ARNT2: variants seen among roughly 807,000 people sequenced by gnomAD.
ARNT2 encodes the protein ARNT protein 2.
Under a neutral mutation model 91.7 loss-of-function variants are expected in ARNT2, and 36 were observed. The ratio of observed to expected loss-of-function variants is 0.39; its 90% CI spans 0.30 to 0.52. ARNT2 has a LOEUF of 0.52. Among genes scored for constraint, ARNT2 ranks in the 20% least tolerant of loss-of-function variants. The pLI, the probability that ARNT2 is intolerant of heterozygous loss-of-function variation, is 0.72. For missense variants in ARNT2, 775 were observed against 939.3 expected (o/e 0.83, Z 2.29); for synonymous variants, 365 against 347.1 (o/e 1.05, Z -0.57).
At chr15:80,560,283 A>G (rs922257546) in intron 11 of ARNT2, 5 of 152,318 alleles carry the variant, frequency 3.3e-5, no homozygotes, top group African/African-American at 1.2e-4. Flanking sequence ...GTAGGGATTT[A>G]TGCAAAGGGC....
intron 8 of ARNT2, among the ~76,000 whole-genome samples, chr15:80,539,415 A>G (rs1479647518): frequency 6.6e-6 from 1 of 152,152 alleles, no homozygotes; most frequent in Non-Finnish European, 1.5e-5. Flanking sequence ...ATGGAGAAAT[A>G]TCTTTGTAAA....
intron 12 of ARNT2, among the ~76,000 whole-genome samples, chr15:80,572,134 A>AT (rs1470175836): frequency 2.0e-5 from 3 of 151,790 alleles, no homozygotes; most frequent in Admixed American, 2.0e-4. Context: ...AAAAAAAAAA[A>AT]CAAACCTATT....
chr15:80,477,229 G>C (rs1896820735), intron 5 of ARNT2, among the ~76,000 whole-genome samples: 1 of 152,202 alleles, frequency 6.6e-6, no homozygotes, highest in Admixed American at 6.5e-5. Context: ...TCAGGTATTT[G>C]TTTATACAAT....
At chr15:80,424,777 CA>C (rs11403327) in intron 1 of ARNT2, among the ~76,000 whole-genome samples, 92 of 147,104 alleles carry the variant, frequency 6.3e-4, no homozygotes, top group Middle Eastern at 3.5e-3. Context: ...AAACAGCCCT[CA>C]AAAAAAAAAA....
At chr15:80,470,626 C>G (rs1244943277) in intron 4 of ARNT2, among the ~76,000 whole-genome samples, 195 bp downstream of exon 4, 1 of 152,200 alleles carries the variant, frequency 6.6e-6, no homozygotes, top group Non-Finnish European at 1.5e-5. Flanking sequence ...TTTTATGTTT[C>G]CCATAACCTT....
At chr15:80,564,465 C>T (rs1353750282) in intron 12 of ARNT2, among the ~76,000 whole-genome samples, 3 of 152,072 alleles carry the variant, frequency 2.0e-5, no homozygotes, top group Non-Finnish European at 4.4e-5. Flanking sequence ...GCTCCTGGGC[C>T]AGAAGTCACA....
chr15:80,577,021 C>T (rs1898689139), intron 15 of ARNT2, 56 bp downstream of exon 15: 3 of 1,549,044 alleles, frequency 1.9e-6, no homozygotes, highest in South Asian at 1.1e-5. Flanking sequence ...ACCAAGAAAG[C>T]CCTGGGTCTC....
chr15:80,456,362 C>G (rs1896481745), intron 2 of ARNT2, among the ~76,000 whole-genome samples: 1 of 151,818 alleles, frequency 6.6e-6, no homozygotes, highest in Admixed American at 6.6e-5. Flanking sequence ...GTCATCTTTT[C>G]CAGTTATGTA....
chr15:80,475,431 G>A (rs1026881403), intron 5 of ARNT2: 4 of 460,448 alleles, frequency 8.7e-6, no homozygotes, highest in African/African-American at 8.0e-5. Context: ...GTGGTGGTGG[G>A]CGCCTGTGGT....
At chr15:80,427,684 G>A (rs1258140584) in intron 1 of ARNT2, among the ~76,000 whole-genome samples, 1 of 152,198 alleles carries the variant, frequency 6.6e-6, no homozygotes, top group Non-Finnish European at 1.5e-5. Context: ...TTTTAACCCT[G>A]TAGTCACAGC....
intron 8 of ARNT2, among the ~76,000 whole-genome samples, chr15:80,523,853 A>G (rs1211993769): frequency 6.6e-6 from 1 of 152,198 alleles, no homozygotes; most frequent in East Asian, 1.9e-4. Context: ...GTAACAGAGC[A>G]GTGGGACTAT....
rs1342642044 is a variant in ARNT2 at position 80,404,456 on chromosome 15, G to C, written c.-60G>C. 4 of 1,146,426 alleles carry C rather than the reference G, an allele frequency of 3.5e-6. No homozygotes were observed. Among genetic ancestry groups the C allele is most frequent in the African/African-American group, 1.7e-5 (1 of 59,826 alleles). The allele number at this position is 1,146,426 out of a possible 1,614,324, so 71.0% of individuals were successfully genotyped here. ...GACCGGGTCCCCGGGGCTGAGCGCC[G>C]GGCTCCGCGCCGCCCCTCCCGCGCC... is the stretch of plus-strand genomic sequence containing the variant. On this transcript the variant is annotated 5_prime_UTR_variant, in exon 1 of 19. Coordinates refer to ENST00000303329, the MANE Select transcript of ARNT2 (RefSeq NM_014862.4). This position sits in a 1 kb window ranked among gnomAD's most constrained non-coding sequence, Gnocchi z 5.5.
chr15:80,493,115 G>A (rs989645412), intron 5 of ARNT2, among the ~76,000 whole-genome samples: 1 of 152,206 alleles, frequency 6.6e-6, no homozygotes, highest in Non-Finnish European at 1.5e-5. Flanking sequence ...AAAAGACTGA[G>A]AGAGCAAAAG....
intron 8 of ARNT2, among the ~76,000 whole-genome samples, chr15:80,545,823 T>C (rs563303311): frequency 2.0e-5 from 3 of 152,164 alleles, no homozygotes; most frequent in African/African-American, 4.8e-5. Flanking sequence ...GGAATATCTG[T>C]TAGTAGCAGC....
intron 12 of ARNT2, among the ~76,000 whole-genome samples, chr15:80,567,235 G>GGT (rs1898501335): frequency 6.6e-6 from 1 of 152,186 alleles, no homozygotes; most frequent in Non-Finnish European, 1.5e-5. Flanking sequence ...GAAGGAGCCA[G>GGT]GTGCAGGGCG....
intron 8 of ARNT2, among the ~76,000 whole-genome samples, chr15:80,543,352 C>T (rs1025008101): frequency 2.6e-5 from 4 of 152,070 alleles, no homozygotes; most frequent in Non-Finnish European, 4.4e-5. Flanking sequence ...TTGTGGTGTC[C>T]GCTTCCACTT....
At chr15:80,414,039 A>G (rs539602161) in intron 1 of ARNT2, among the ~76,000 whole-genome samples, 1 of 152,338 alleles carries the variant, frequency 6.6e-6, no homozygotes, top group African/African-American at 2.4e-5. Flanking sequence ...ACAGGAAGCC[A>G]AAGTTAATTG....
chr15:80,438,398 A>G (rs1896126709), intron 1 of ARNT2, among the ~76,000 whole-genome samples: 1 of 152,200 alleles, frequency 6.6e-6, no homozygotes, highest in African/African-American at 2.4e-5. Context: ...GAGGTGGCAC[A>G]GTTGATAAAC....
chr15:80,565,003 G>A (rs1168042247), intron 12 of ARNT2, among the ~76,000 whole-genome samples: 3 of 151,426 alleles, frequency 2.0e-5, no homozygotes, highest in Non-Finnish European at 2.9e-5. Context: ...GCTCATTGCA[G>A]CCTCGACTTC....
Sources: allele counts gnomAD v4.1 joint callset (sites outside exome capture counted in the v4.1 genomes callset), GRCh38; gene constraint gnomAD v4.1.1; non-coding constraint Gnocchi (gnomAD v3.1); transcripts MANE v1.5; gene names NCBI Gene and HGNC (gene_info 2026-07-23, HGNC 2026-07-21).